The following CFAP251 variants were observed in gnomAD, a reference collection of about 807,000 sequenced individuals.
CFAP251 encodes the protein cilia and flagella associated protein 251, also known as cilia- and flagella-associated protein 251.
Under a neutral mutation model 126.7 loss-of-function variants are expected in CFAP251, and 93 were observed. The ratio of observed to expected loss-of-function variants is 0.73; its 90% CI spans 0.62 to 0.87. The LOEUF is 0.87. Among genes scored for constraint, CFAP251 ranks in the 40% least tolerant of loss-of-function variants. The probability of loss-of-function intolerance (pLI) is 0.00; values close to 1 mark genes in which losing one functional copy is unlikely to be tolerated. For missense variants in CFAP251, 1,287 were observed against 1,389.2 expected, an observed-to-expected ratio of 0.93 and a Z score of 1.17; for synonymous variants, 503 against 506.9, an observed-to-expected ratio of 0.99 and a Z score of 0.10.
chr12:121,943,319 A>T (rs1227727691), intron 7 of CFAP251, among the ~76,000 whole-genome samples: 3 of 152,222 alleles, frequency 2.0e-5, no homozygotes, highest in African/African-American at 7.2e-5. Flanking sequence ...TCTCAAAAAA[A>T]CAAAAACAAA....
At chr12:121,944,226 C>A (rs998578863) in intron 7 of CFAP251, among the ~76,000 whole-genome samples, 1 of 152,160 alleles carries the variant, frequency 6.6e-6, no homozygotes, top group African/African-American at 2.4e-5. Flanking sequence ...GATCTAAAAT[C>A]CAAACAGAGG....
At chr12:121,940,758 G>A (rs1191728595) in intron 5 of CFAP251, among the ~76,000 whole-genome samples, 1 of 152,070 alleles carries the variant, frequency 6.6e-6, no homozygotes, top group Non-Finnish European at 1.5e-5. Context: ...CAGCTCTAAG[G>A]TCTTGTCAGT....
At chr12:121,971,753 T>C (rs1565918177) in intron 17 of CFAP251, 14 of 627,254 alleles carry the variant, frequency 2.2e-5, no homozygotes, top group Non-Finnish European at 2.0e-5. Flanking sequence ...CTCCAATCTT[T>C]GTGATATGGT....
intron 16 of CFAP251, 62 bp from the exon 17 acceptor site, chr12:121,967,944 G>C (rs1882203657): frequency 6.8e-7 from 1 of 1,476,544 alleles, no homozygotes. Flanking sequence ...ATGTGAACGT[G>C]CCAGGCCTCT....
At chr12:121,958,566 C>T in intron 12 of CFAP251, 44 bp downstream of exon 12, 1 of 1,607,408 alleles carries the variant, frequency 6.2e-7, no homozygotes, top group Non-Finnish European at 8.5e-7. Flanking sequence ...ACATGGACAG[C>T]CCTGAAAGGG....
rs1883025753 is a variant in CFAP251 at position 121,996,590 on chromosome 12, A to G, written c.3007-3126A>G. Among the ~76,000 whole-genome samples the G allele has an allele frequency of 1.3e-5, 2 of 152,160 alleles. 1 individual carries two copies. Among genetic ancestry groups the G allele is most frequent in the South Asian group, 4.1e-4 (2 of 4,838 alleles). ...CCCGCATTTCCACTTAAACCTAGGC[A>G]TGTCAGCACCCTTTTCTCATTCGAG... On this transcript the variant is annotated intron_variant, in intron 19 of 21. Transcript: ENST00000288912.
intron 2 of CFAP251, among the ~76,000 whole-genome samples, chr12:121,922,894 A>G (rs949485177): frequency 6.6e-6 from 1 of 151,832 alleles, no homozygotes; most frequent in Admixed American, 6.6e-5. Context: ...GGTTCATGCT[A>G]TTCTCCTGCC....
chr12:121,978,550 T>C (rs1316438636), intron 19 of CFAP251, among the ~76,000 whole-genome samples: 1 of 151,912 alleles, frequency 6.6e-6, no homozygotes, highest in Non-Finnish European at 1.5e-5. Flanking sequence ...TTGGTAGATA[T>C]CCTATCATTT....
intron 14 of CFAP251, 132 bp downstream of exon 14, chr12:121,960,890 T>C (rs981702080): frequency 6.4e-6 from 7 of 1,085,638 alleles, no homozygotes; most frequent in African/African-American, 3.2e-5. Flanking sequence ...CAGTGAAGGA[T>C]CACAAACCTC....
chr12:121,928,588 A>C (rs1440007770), intron 3 of CFAP251, among the ~76,000 whole-genome samples: 1 of 148,190 alleles, frequency 6.7e-6, no homozygotes, highest in African/African-American at 2.5e-5. Flanking sequence ...ACTCTACTGC[A>C]TTTGATTACT....
intron 5 of CFAP251, among the ~76,000 whole-genome samples, chr12:121,939,901 C>G (rs1881042902): frequency 6.6e-6 from 1 of 152,026 alleles, no homozygotes; most frequent in South Asian, 2.1e-4. Flanking sequence ...GTTATTAACT[C>G]CTTTTAAACA....
chr12:121,990,542 C>G (rs1882853664), intron 19 of CFAP251, among the ~76,000 whole-genome samples: 1 of 152,194 alleles, frequency 6.6e-6, no homozygotes, highest in South Asian at 2.1e-4. Flanking sequence ...CCTCTGACCT[C>G]CTACTGGCCA....
At chr12:121,986,585 C>T (rs1418017868) in intron 19 of CFAP251, among the ~76,000 whole-genome samples, 6 of 151,604 alleles carry the variant, frequency 4.0e-5, no homozygotes, top group Non-Finnish European at 8.8e-5. Flanking sequence ...AGATGTGAGC[C>T]ACCGCGCCCA....
chr12:121,964,821 C>T (rs970041786), intron 15 of CFAP251, among the ~76,000 whole-genome samples: 5 of 152,100 alleles, frequency 3.3e-5, no homozygotes, highest in African/African-American at 1.2e-4. Context: ...ATCTCATGAA[C>T]CCGGGAGGTG....
chr12:121,951,545 T>G lies in CFAP251; in HGVS notation c.1320+15T>G, dbSNP rs1325151970. On this transcript the variant is annotated intron_variant, in intron 9 of 21. Transcript: ENST00000288912. ...TAACTGAAAAAGTGAGTATGCCTATTGCATTTTTGTCCATCAGATTTTGTG... is the reference window on the plus strand; with the variant it reads ...TAACTGAAAAAGTGAGTATGCCTATGGCATTTTTGTCCATCAGATTTTGTG... 1.9e-6 allele frequency: 3 copies of G among 1,572,694 alleles called. No homozygotes were observed.
chr12:121,973,163 A>G (rs1470226828), intron 17 of CFAP251, among the ~76,000 whole-genome samples: 1 of 152,208 alleles, frequency 6.6e-6, no homozygotes, highest in Non-Finnish European at 1.5e-5. Flanking sequence ...CAGCCACTCC[A>G]GTCATGGCTG....
In CFAP251 at chr12:121,958,205, G is replaced by A. The variant is rs578084314; in HGVS notation, c.1731-67G>A. On this transcript the variant is annotated intron_variant, in intron 11 of 21. Coordinates refer to ENST00000288912, the MANE Select transcript of CFAP251 (RefSeq NM_144668.6). ...AGAGGCGTTTTATGTGCAATTAGAA[G>A]CAGAATAGCTGGCATGCCCCATTCC... The A allele has an allele frequency of 5.1e-5, 80 of 1,580,868 alleles. No homozygotes were observed. The African/African-American group carries it at 9.8e-4, about 19-fold the overall frequency.
chr12:121,970,754 C>A (rs1032774137), intron 17 of CFAP251, among the ~76,000 whole-genome samples: 1 of 152,240 alleles, frequency 6.6e-6, no homozygotes, highest in African/African-American at 2.4e-5. Context: ...TCACGGACAG[C>A]GGCACACTTG....
Position 121,958,986 on chromosome 12 carries a change from T to C in CFAP251, c.2025T>C (p.Ile675=). ...GCTTTACAGAGGGGACAGTTTACAT[T>C]CTTGATGCAATGTCTTTAGAAAATG... is the stretch of plus-strand genomic sequence containing the variant. The part of the protein sequence containing the change: ...GAGFTEGTVY[I]LDAMSLENES... Residue 675 remains isoleucine, a synonymous_variant, in exon 13 of 22, where the codon ATT becomes ATC. Transcript: ENST00000288912. The C allele has an allele frequency of 6.2e-7, 1 of 1,611,434 alleles. No individual in the cohort carries two copies. The highest frequency in any genetic ancestry group is 8.5e-7 in the Non-Finnish European group (1 of 1,179,268).
Sources: allele counts gnomAD v4.1 joint callset (sites outside exome capture counted in the v4.1 genomes callset), GRCh38; gene constraint gnomAD v4.1.1; transcripts MANE v1.5; gene names NCBI Gene and HGNC (gene_info 2026-07-23, HGNC 2026-07-21).